Variants in RBFOX1 observed in about 807,000 individuals in gnomAD.
RBFOX1 encodes the protein RNA binding protein fox-1 homolog 1.
A neutral mutation model predicts 57.7 loss-of-function variants in RBFOX1; 8 were observed. The ratio of observed to expected loss-of-function variants is 0.14; its 90% CI spans 0.08 to 0.25. The LOEUF is 0.25. Among genes scored for constraint, RBFOX1 ranks in the 10% least tolerant of loss-of-function variants. RBFOX1 has a pLI of 1.00. For synonymous variants in RBFOX1, 326 were observed against 222.4 expected (o/e 1.47, Z -4.15); for missense variants, 611 against 548.5 (o/e 1.11, Z -1.14).
chr16:6,980,464 T>C (rs1374552908), intron 3 of RBFOX1, among the ~76,000 whole-genome samples: 1 of 152,222 alleles, frequency 6.6e-6, no homozygotes, highest in Non-Finnish European at 1.5e-5. Flanking sequence ...TGTCTTCTTA[T>C]GTTGAAATTT....
At chr16:6,940,977 G>C (rs1281056141) in intron 3 of RBFOX1, among the ~76,000 whole-genome samples, 1 of 151,894 alleles carries the variant, frequency 6.6e-6, no homozygotes, top group Non-Finnish European at 1.5e-5. Flanking sequence ...AAAGTGCTGG[G>C]ATTACAGGCA....
intron 3 of RBFOX1, among the ~76,000 whole-genome samples, chr16:6,676,038 G>C (rs994318795): frequency 2.0e-5 from 3 of 151,904 alleles, no homozygotes; most frequent in African/African-American, 4.8e-5. Context: ...TCCTCAAAAG[G>C]TTTAAAGGAA....
chr16:6,949,797 A>AT (rs143367554), intron 3 of RBFOX1, among the ~76,000 whole-genome samples: 7 of 150,640 alleles, frequency 4.6e-5, no homozygotes, highest in South Asian at 2.1e-4. Flanking sequence ...TTTCTTCTGA[A>AT]TTTTTTTTTT....
intron 3 of RBFOX1, among the ~76,000 whole-genome samples, chr16:5,722,439 A>G (rs1361791871): frequency 6.6e-6 from 1 of 152,198 alleles, no homozygotes; most frequent in Non-Finnish European, 1.5e-5. Flanking sequence ...GCTGTTCTGC[A>G]CACATTTGCT....
intron 2 of RBFOX1, among the ~76,000 whole-genome samples, chr16:5,496,163 A>G (rs9934180): frequency 0.039 from 5,988 of 152,198 alleles, 397 homozygotes; most frequent in African/African-American, 0.14. Flanking sequence ...ACCCATTACA[A>G]TGGAAGCCCC....
intron 4 of RBFOX1, among the ~76,000 whole-genome samples, chr16:7,456,274 C>T (rs567555683): frequency 6.6e-6 from 1 of 152,178 alleles, no homozygotes; most frequent in Non-Finnish European, 1.5e-5. Context: ...GGGACCCCCC[C>T]TTATACAAAT....
At chr16:6,328,448 T>C (rs2152802912) in intron 2 of RBFOX1, among the ~76,000 whole-genome samples, 1 of 152,280 alleles carries the variant, frequency 6.6e-6, no homozygotes, top group Admixed American at 6.5e-5. Flanking sequence ...TTTTTTAATG[T>C]TGTGCATTGT....
chr16:5,931,216 T>C (rs2059049659), intron 4 of RBFOX1, among the ~76,000 whole-genome samples: 1 of 152,170 alleles, frequency 6.6e-6, no homozygotes, highest in African/African-American at 2.4e-5. Context: ...CTATTGCTCA[T>C]GGCCTCAGTG....
intron 4 of RBFOX1, among the ~76,000 whole-genome samples, chr16:7,142,834 A>T (rs1280543008): frequency 3.9e-5 from 6 of 152,150 alleles, no homozygotes; most frequent in Non-Finnish European, 1.5e-5. Context: ...GATAGAAAGA[A>T]AATGGTCAGC....
intron 4 of RBFOX1, among the ~76,000 whole-genome samples, chr16:7,071,055 C>A (rs1030530195): frequency 4.6e-5 from 7 of 152,200 alleles, no homozygotes; most frequent in Non-Finnish European, 5.9e-5. Flanking sequence ...CATAGCCCTT[C>A]ACAAGCCTAT....
At chr16:6,793,139 T>A (rs1008457189) in intron 3 of RBFOX1, among the ~76,000 whole-genome samples, 1 of 152,086 alleles carries the variant, frequency 6.6e-6, no homozygotes, top group Non-Finnish European at 1.5e-5. Flanking sequence ...CAGATTTGGG[T>A]ATTATTTTTT....
At chr16:6,856,116 C>T (rs4129257) in intron 3 of RBFOX1, among the ~76,000 whole-genome samples, 3 of 151,498 alleles carry the variant, frequency 2.0e-5, no homozygotes, top group Non-Finnish European at 4.4e-5. Flanking sequence ...CCTTTCTTCC[C>T]TTTCCTTCCC....
chr16:5,481,448 C>A (rs1037679613), intron 2 of RBFOX1, among the ~76,000 whole-genome samples: 3 of 152,172 alleles, frequency 2.0e-5, no homozygotes, highest in Admixed American at 6.5e-5. Context: ...TCAGTGTCAG[C>A]AGGGTTTATT....
At chr16:5,673,999 G>T (rs1418489060) in intron 3 of RBFOX1, among the ~76,000 whole-genome samples, 1 of 152,218 alleles carries the variant, frequency 6.6e-6, no homozygotes, top group African/African-American at 2.4e-5. Flanking sequence ...GTGCTTCTGT[G>T]TGTGACAGGG....
intron 1 of RBFOX1, among the ~76,000 whole-genome samples, chr16:5,394,079 A>G (rs1463599550): frequency 6.6e-6 from 1 of 151,830 alleles, no homozygotes; most frequent in African/African-American, 2.4e-5. Context: ...GTTGGAGTGC[A>G]GTGCTGTGAT....
chr16:7,371,627 A>G (rs1040986739), intron 4 of RBFOX1, among the ~76,000 whole-genome samples: 3 of 152,078 alleles, frequency 2.0e-5, no homozygotes, highest in Non-Finnish European at 2.9e-5. Context: ...GCAGGCGCCT[A>G]TAATCCCAGC....
chr16:5,608,721 T>C (rs1298062286), intron 3 of RBFOX1, among the ~76,000 whole-genome samples: 1 of 152,194 alleles, frequency 6.6e-6, no homozygotes, highest in African/African-American at 2.4e-5. Flanking sequence ...GGGCTAACAG[T>C]TGTGAGATAC....
chr16:5,643,398 T>C (rs955830659), intron 3 of RBFOX1, among the ~76,000 whole-genome samples: 2 of 152,172 alleles, frequency 1.3e-5, no homozygotes, highest in Non-Finnish European at 2.9e-5. Flanking sequence ...TGATGCTTCA[T>C]TGTGGGTGGA....
intron 3 of RBFOX1, among the ~76,000 whole-genome samples, chr16:6,694,712 T>A (rs1324181432): frequency 6.6e-6 from 1 of 152,116 alleles, no homozygotes; most frequent in Non-Finnish European, 1.5e-5. Context: ...TATCATATCC[T>A]CCCAGCAACT....
Sources: allele counts gnomAD v4.1 joint callset (sites outside exome capture counted in the v4.1 genomes callset), GRCh38; gene constraint gnomAD v4.1.1; transcripts MANE v1.5; gene names NCBI Gene and HGNC (gene_info 2026-07-23, HGNC 2026-07-21).